The following FSTL4 variants were observed in gnomAD, a reference collection of about 807,000 sequenced individuals.
FSTL4 encodes the protein follistatin-related protein 4.
A neutral mutation model predicts 78.2 loss-of-function variants in FSTL4; 28 were observed. The observed-to-expected ratio is 0.36, with a 90% CI of 0.27 to 0.49. The LOEUF is 0.49. Among genes scored for constraint, FSTL4 ranks in the 20% least tolerant of loss-of-function variants. The pLI is 0.98. For missense variants in FSTL4, 922 were observed against 1,084.9 expected, an observed-to-expected ratio of 0.85 and a Z score of 2.11; for synonymous variants, 422 against 440.5, an observed-to-expected ratio of 0.96 and a Z score of 0.53.
At chr5:133,412,063 T>C (rs962548876) in intron 3 of FSTL4, among the ~76,000 whole-genome samples, 11 of 152,116 alleles carry the variant, frequency 7.2e-5, no homozygotes, top group Non-Finnish European at 1.0e-4. Context: ...TAAAATAAGA[T>C]TGGAACATTG....
intron 6 of FSTL4, among the ~76,000 whole-genome samples, chr5:133,265,656 T>A (rs1752626108): frequency 6.6e-6 from 1 of 152,184 alleles, no homozygotes; most frequent in South Asian, 2.1e-4. Context: ...TTTTGGAGAA[T>A]TGGCCTGTAG....
the FSTL4 span, among the ~76,000 whole-genome samples, chr5:133,733,367 G>A: frequency 6.6e-6 from 1 of 152,182 alleles, no homozygotes; most frequent in Non-Finnish European, 1.5e-5. Context: ...ACTCCTATAT[G>A]TGTTATACCT....
At chr5:133,753,692 TGTGTGTGTG>T in the FSTL4 span, among the ~76,000 whole-genome samples, 24,055 of 102,782 alleles carry the variant, frequency 0.23, 2,149 homozygotes, top group East Asian at 0.51. Flanking sequence ...TCTGTGTGTG[TGTGTGTGTG>T]TGTGTGTGTG....
chr5:133,769,864 AC>A, the FSTL4 span, among the ~76,000 whole-genome samples: 1 of 151,740 alleles, frequency 6.6e-6, no homozygotes, highest in Admixed American at 6.6e-5. Context: ...CAACTTTCCC[AC>A]CTTTTGTAGC....
At chr5:133,607,569 C>T (rs980486333) in intron 1 of FSTL4, among the ~76,000 whole-genome samples, 6 of 152,340 alleles carry the variant, frequency 3.9e-5, no homozygotes, top group Admixed American at 3.9e-4. Flanking sequence ...AATTCCAAGT[C>T]AGGCACGTAG....
intron 2 of FSTL4, among the ~76,000 whole-genome samples, chr5:133,591,169 G>A (rs7708524): frequency 0.23 from 34,709 of 152,096 alleles, 4,265 homozygotes; most frequent in East Asian, 0.29. Context: ...CTGTTTTACA[G>A]CCTGTCTGCA....
At chr5:133,734,229 A>C in the FSTL4 span, among the ~76,000 whole-genome samples, 1 of 152,158 alleles carries the variant, frequency 6.6e-6, no homozygotes, top group Non-Finnish European at 1.5e-5. Context: ...TAACATAGAG[A>C]CTTTTGTTTG....
chr5:133,329,402 T>G (rs80016881), intron 4 of FSTL4, among the ~76,000 whole-genome samples: 4,734 of 147,532 alleles, frequency 0.032, 206 homozygotes, highest in African/African-American at 0.11. Context: ...GAGAGAGAGA[T>G]ATATATATAT....
upstream of FSTL4, among the ~76,000 whole-genome samples, chr5:133,617,298 CA>C (rs145317097): frequency 0.083 from 5,155 of 61,866 alleles, 57 homozygotes; most frequent in East Asian, 0.1. Context: ...GACTCCATCT[CA>C]AAAAAAAAAA....
At chr5:133,734,690 G>A in the FSTL4 span, among the ~76,000 whole-genome samples, 9 of 152,302 alleles carry the variant, frequency 5.9e-5, no homozygotes, top group African/African-American at 1.7e-4. Flanking sequence ...TGCTTGGAGC[G>A]TGGTGAGCCC....
chr5:133,492,594 G>T (rs1183657036), intron 3 of FSTL4, among the ~76,000 whole-genome samples: 1 of 152,100 alleles, frequency 6.6e-6, no homozygotes, highest in Non-Finnish European at 1.5e-5. Flanking sequence ...CCTTTGCAGA[G>T]AATCTTTTTT....
intron 3 of FSTL4, among the ~76,000 whole-genome samples, chr5:133,448,434 T>C (rs937217267): frequency 2.0e-5 from 3 of 152,156 alleles, no homozygotes; most frequent in African/African-American, 7.2e-5. Flanking sequence ...TTGTAACCCA[T>C]CCCTTCCAGG....
At chr5:133,693,963 C>A in the FSTL4 span, among the ~76,000 whole-genome samples, 1 of 152,198 alleles carries the variant, frequency 6.6e-6, no homozygotes, top group African/African-American at 2.4e-5. Flanking sequence ...CTCACATGCC[C>A]ATCTCCTCCA....
At chr5:133,345,581 T>A (rs1754680265) in intron 4 of FSTL4, among the ~76,000 whole-genome samples, 1 of 152,158 alleles carries the variant, frequency 6.6e-6, no homozygotes. Flanking sequence ...CTTTAGTCCA[T>A]CTTGAATTAA....
intron 3 of FSTL4, among the ~76,000 whole-genome samples, chr5:133,511,367 C>T (rs1357929304): frequency 1.3e-5 from 2 of 152,316 alleles, no homozygotes; most frequent in South Asian, 4.1e-4. Flanking sequence ...TTCTCCTCCC[C>T]AGTAGCCAGC....
At position 133,567,171 on chromosome 5, in the gene FSTL4, G is replaced by A. The variant is rs780704347; in HGVS notation, c.160+15C>T. 1 of 1,571,154 alleles carries A rather than the reference G, an allele frequency of 6.4e-7. No homozygotes were observed. The highest frequency in any genetic ancestry group is 8.8e-7 in the Non-Finnish European group (1 of 1,140,782). On this transcript the variant is annotated intron_variant, in intron 3 of 15. Transcript: ENST00000265342. Reference sequence around the variant, plus strand: ...AACACTGAAAATAAAATGGGTATGAGTGCATTTTTCCTACCTTCTCTTCTT... The same window carrying A: ...AACACTGAAAATAAAATGGGTATGAATGCATTTTTCCTACCTTCTCTTCTT...
intron 6 of FSTL4, among the ~76,000 whole-genome samples, chr5:133,263,148 T>C (rs1018566901): frequency 5.3e-5 from 8 of 151,978 alleles, no homozygotes; most frequent in Admixed American, 5.2e-4. Flanking sequence ...GTTGGTTCCA[T>C]TTGCTGAGAG....
intron 6 of FSTL4, among the ~76,000 whole-genome samples, chr5:133,283,924 C>T (rs145904402): frequency 1.3e-5 from 2 of 152,068 alleles, no homozygotes; most frequent in African/African-American, 4.8e-5. Context: ...TATGGCAGAG[C>T]AGGAGAGAAA....
At position 133,359,923 on chromosome 5, in the gene FSTL4, C is replaced by T. The variant is rs574114753; in HGVS notation, c.409+40815G>A. On this transcript the variant is annotated intron_variant, in intron 4 of 15. Transcript: ENST00000265342. ...GTGGAAAGGCCTCTACCTGACTCCC[C>T]GTGCTGCTGAGACTGCCCTGGCAGA... 3.2e-3 allele frequency among the ~76,000 whole-genome samples: 480 copies of T among 152,328 alleles called. 3 individuals carry two copies. Among genetic ancestry groups the T allele is most frequent in the Non-Finnish European group, 4.7e-3 (323 of 68,024 alleles).
Sources: gnomAD v4.1 joint callset for allele counts (sites outside exome capture counted in the v4.1 genomes callset) on GRCh38, gnomAD v4.1.1 for gene constraint, MANE v1.5 for transcripts, NCBI Gene and HGNC (gene_info 2026-07-23, HGNC 2026-07-21) for gene names.